The following ADGRD1 variants were observed in gnomAD, a reference collection of about 807,000 sequenced individuals.
ADGRD1 encodes adhesion G protein-coupled receptor D1, also known as G-protein coupled receptor 133.
ADGRD1 carries 77 observed loss-of-function variants against 113.4 expected under a neutral mutation model. That is an observed-to-expected ratio of 0.68 (90% CI 0.57 to 0.82). The LOEUF (loss-of-function observed/expected upper bound fraction) is 0.82. Among genes scored for constraint, ADGRD1 ranks in the 40% least tolerant of loss-of-function variants. ADGRD1 has a pLI of 0.00. For missense variants in ADGRD1, 1,036 were observed against 1,139.1 expected (o/e 0.91, Z 1.30); for synonymous variants, 474 against 475.0 (o/e 1.00, Z 0.03).
intron 15 of ADGRD1, among the ~76,000 whole-genome samples, chr12:131,085,871 G>A (rs529122427): frequency 6.6e-6 from 1 of 152,314 alleles, no homozygotes; most frequent in Non-Finnish European, 1.5e-5. Flanking sequence ...GATTTGTCAC[G>A]AGACTCATCT....
intron 13 of ADGRD1, among the ~76,000 whole-genome samples, chr12:131,040,099 C>G (rs1251099715): frequency 6.6e-6 from 1 of 152,218 alleles, no homozygotes; most frequent in Non-Finnish European, 1.5e-5. Flanking sequence ...GAGTTTGAGA[C>G]CCATGAACTG....
At chr12:131,122,261 G>A (rs1950616179) in intron 20 of ADGRD1, among the ~76,000 whole-genome samples, 1 of 152,076 alleles carries the variant, frequency 6.6e-6, no homozygotes, top group Non-Finnish European at 1.5e-5. Context: ...AGGTGGTCGC[G>A]AGGGAAAGGC....
chr12:131,062,971 C>T (rs894960691), intron 13 of ADGRD1, among the ~76,000 whole-genome samples: 7 of 152,086 alleles, frequency 4.6e-5, no homozygotes, highest in Non-Finnish European at 8.8e-5. Flanking sequence ...TTTGAATTTT[C>T]CCAATGATGA....
At chr12:131,130,648 C>T (rs903028341) in intron 20 of ADGRD1, among the ~76,000 whole-genome samples, 1 of 152,192 alleles carries the variant, frequency 6.6e-6, no homozygotes, top group Non-Finnish European at 1.5e-5. Context: ...TCAGCAGTTG[C>T]TTCAGAAAGG....
At chr12:131,137,093 G>A (rs1481786241) in intron 23 of ADGRD1, 79 bp downstream of exon 23, 12 of 1,138,698 alleles carry the variant, frequency 1.1e-5, no homozygotes, top group East Asian at 4.7e-5. Flanking sequence ...CAGGAACAGC[G>A]CTGCCCTGTC....
intron 15 of ADGRD1, among the ~76,000 whole-genome samples, chr12:131,097,154 T>A (rs965853448): frequency 5.3e-5 from 8 of 152,182 alleles, no homozygotes; most frequent in African/African-American, 1.9e-4. Context: ...AATGTTCCAC[T>A]CTTTGAAAGG....
chr12:131,097,021 G>A lies in ADGRD1; in HGVS notation c.1672-7810G>A, dbSNP rs372469255. Among the ~76,000 whole-genome samples, 4 of 152,342 alleles carry A rather than the reference G, an allele frequency of 2.6e-5. No individual in the cohort carries two copies. In the East Asian group the frequency reaches 7.7e-4, roughly 29 times the overall value. On this transcript the variant is annotated intron_variant, in intron 15 of 24. Coordinates refer to ENST00000261654, the MANE Select transcript of ADGRD1 (RefSeq NM_198827.5). ...CTCTGCTGTGGCTGCAGCCCTGCTGGACAGTCTATGGATCTGGCTTCCACG... is the reference window on the plus strand; with the variant it reads ...CTCTGCTGTGGCTGCAGCCCTGCTGAACAGTCTATGGATCTGGCTTCCACG...
chr12:130,983,719 C>A (rs567652465), intron 5 of ADGRD1, among the ~76,000 whole-genome samples: 1 of 152,176 alleles, frequency 6.6e-6, no homozygotes, highest in African/African-American at 2.4e-5. Context: ...GCTCCAGAGA[C>A]TCAAAATTAT....
chr12:131,098,150 G>GGGC (rs1887437824), intron 15 of ADGRD1, among the ~76,000 whole-genome samples: 3 of 132,696 alleles, frequency 2.3e-5, no homozygotes, highest in Non-Finnish European at 5.2e-5. Flanking sequence ...GCCGCTGTCT[G>GGGC]GGCCTCACTT....
At chr12:130,997,985 C>CG (rs1875829519) in intron 8 of ADGRD1, among the ~76,000 whole-genome samples, 1 of 152,110 alleles carries the variant, frequency 6.6e-6, no homozygotes, top group Non-Finnish European at 1.5e-5. Flanking sequence ...GCGGATCACT[C>CG]GCGGTTAGGA....
chr12:130,972,235 G>C (rs1382945622), intron 4 of ADGRD1, among the ~76,000 whole-genome samples: 1 of 152,156 alleles, frequency 6.6e-6, no homozygotes, highest in African/African-American at 2.4e-5. Context: ...AATTTTCTGG[G>C]AAATTGTTCT....
intron 9 of ADGRD1, chr12:131,002,908 G>T: frequency 1.1e-6 from 1 of 891,342 alleles, no homozygotes; most frequent in East Asian, 3.7e-5. Context: ...CCAGGAGTTG[G>T]GTCCCCTCAG....
chr12:130,992,309 G>C lies in ADGRD1; in HGVS notation c.883G>C (p.Val295Leu). Reference protein sequence around the residue: ...EERKTFQSPGVILSYLQNVSL... With the variant: ...EERKTFQSPGLILSYLQNVSL... Reference sequence around the variant, plus strand: ...GAGAAAAACCTTCCAAAGTCCCGGAGTGATACTGAGTTACCTCCAAAATGT... The same window carrying C: ...GAGAAAAACCTTCCAAAGTCCCGGACTGATACTGAGTTACCTCCAAAATGT... Residue 295 changes from valine to leucine, a missense_variant, in exon 8 of 25, where the codon GTG becomes CTG. Physicochemically the swap from Val to Leu is conservative, Grantham distance 32. Transcript: ENST00000261654. 6.2e-7 allele frequency: 1 copy of C among 1,613,360 alleles called. No individual in the cohort carries two copies. The highest frequency in any genetic ancestry group is 8.5e-7 in the Non-Finnish European group (1 of 1,179,378).
chr12:131,139,561 C>T lies in ADGRD1; in HGVS notation c.*298C>T, dbSNP rs1951194237. The T allele has an allele frequency of 2.8e-6, 1 of 354,530 alleles. No homozygotes were observed. The highest frequency in any genetic ancestry group is 5.4e-6 in the Non-Finnish European group (1 of 185,894). The allele number at this position is 354,530 out of a possible 1,614,324, so 22.0% of individuals were successfully genotyped here. Reference sequence around the variant, plus strand: ...TGACTGTGATGGTGCCCTTGAGCCTCCCTTCATCACTCAGCATCAGACCCA... The same window carrying T: ...TGACTGTGATGGTGCCCTTGAGCCTTCCTTCATCACTCAGCATCAGACCCA... On this transcript the variant is annotated 3_prime_UTR_variant, in exon 25 of 25. Coordinates refer to ENST00000261654, the MANE Select transcript of ADGRD1 (RefSeq NM_198827.5).
Position 130,965,690 on chromosome 12 carries a change from A to AGAAACAAAGAAATAATT in ADGRD1, c.104-772_104-756dup, listed in dbSNP as rs1171704591. On this transcript the variant is annotated intron_variant, in intron 2 of 24. Coordinates refer to ENST00000261654, the MANE Select transcript of ADGRD1 (RefSeq NM_198827.5). The surrounding 1 kb of genome is among the most constrained non-coding windows in gnomAD (Gnocchi z 4.8). ...CCAAACTCAATTATGAGGGTTAGAT[A>AGAAACAAAGAAATAATT]GAAACAAAGAAATAATTCATATAGC... 1.3e-5 allele frequency among the ~76,000 whole-genome samples: 2 copies of AGAAACAAAGAAATAATT among 152,276 alleles called. No homozygotes were observed. Among genetic ancestry groups the AGAAACAAAGAAATAATT allele is most frequent in the African/African-American group, 2.4e-5 (1 of 41,476 alleles).
intron 15 of ADGRD1, among the ~76,000 whole-genome samples, chr12:131,102,609 A>G (rs1284077531): frequency 6.6e-6 from 1 of 152,134 alleles, no homozygotes; most frequent in African/African-American, 2.4e-5. Context: ...TGAGTTCACC[A>G]AAGTCTCCAC....
Position 131,078,043 on chromosome 12 carries a change from G to A in ADGRD1, c.1547+1169G>A, listed in dbSNP as rs1306614377. On this transcript the variant is annotated intron_variant, in intron 14 of 24. Transcript: ENST00000261654. ...ATGTTGTCAGGGCTCCCCAACACCTGGGCATCTTCCTGTGCCTGGACTCAC... is the reference window on the plus strand; with the variant it reads ...ATGTTGTCAGGGCTCCCCAACACCTAGGCATCTTCCTGTGCCTGGACTCAC... 2.0e-5 allele frequency among the ~76,000 whole-genome samples: 3 copies of A among 152,154 alleles called. No homozygotes were observed. The East Asian group carries it at 5.8e-4, about 29-fold the overall frequency.
chr12:131,123,889 C>G (rs554813782), intron 20 of ADGRD1, among the ~76,000 whole-genome samples: 1 of 152,100 alleles, frequency 6.6e-6, no homozygotes, highest in Admixed American at 6.5e-5. Flanking sequence ...CAGTGTGGCC[C>G]ACTACCTGCT....
At position 130,971,202 on chromosome 12, in the gene ADGRD1, T is replaced by C. The variant is rs577682240; in HGVS notation, c.188-256T>C. 7 of 188,394 alleles carry C rather than the reference T, an allele frequency of 3.7e-5. 1 individual carries two copies. Among genetic ancestry groups the C allele is most frequent in the African/African-American group, 9.5e-5 (4 of 42,172 alleles). The allele number at this position is 188,394 out of a possible 1,614,324, so 11.7% of individuals were successfully genotyped here. ...GCATTTGTATATAATACATGCATATTATATACAAATACATTAATATCATTT... is the reference window on the plus strand; with the variant it reads ...GCATTTGTATATAATACATGCATATCATATACAAATACATTAATATCATTT... On this transcript the variant is annotated intron_variant, in intron 3 of 24. Coordinates refer to ENST00000261654, the MANE Select transcript of ADGRD1 (RefSeq NM_198827.5). The surrounding 1 kb of genome is among the most constrained non-coding windows in gnomAD (Gnocchi z 4.2).
Sources: gnomAD v4.1 joint callset for allele counts (sites outside exome capture counted in the v4.1 genomes callset) on GRCh38, gnomAD v4.1.1 for gene constraint, Gnocchi (gnomAD v3.1) non-coding constraint, MANE v1.5 for transcripts, NCBI Gene and HGNC (gene_info 2026-07-23, HGNC 2026-07-21) for gene names.